Variants in MACROD2 observed in about 807,000 individuals in gnomAD.
The protein encoded by MACROD2 is mono-ADP ribosylhydrolase 2.
Under a neutral mutation model 70.4 loss-of-function variants are expected in MACROD2, and 36 were observed. The observed-to-expected ratio is 0.51, with a 90% CI of 0.39 to 0.68. The LOEUF is 0.68. MACROD2 is among the 30% of genes least tolerant of loss of function. The pLI, the probability that MACROD2 is intolerant of heterozygous loss-of-function variation, is 0.00. For synonymous variants in MACROD2, 172 were observed against 178.8 expected, an observed-to-expected ratio of 0.96 and a Z score of 0.30; for missense variants, 496 against 538.4, an observed-to-expected ratio of 0.92 and a Z score of 0.78.
chr20:15,558,414 T>C (rs2048197313), intron 8 of MACROD2, among the ~76,000 whole-genome samples: 1 of 152,226 alleles, frequency 6.6e-6, no homozygotes, highest in Non-Finnish European at 1.5e-5. Context: ...TAGCGGGTTT[T>C]GCTATTACTT....
chr20:15,469,634 A>C (rs4814381), intron 7 of MACROD2, among the ~76,000 whole-genome samples: 82,901 of 151,890 alleles, frequency 0.55, 23,836 homozygotes, highest in East Asian at 0.84. Flanking sequence ...GTCCACAAGA[A>C]AGGGGCCTTG....
At chr20:15,474,405 C>T (rs868222033) in intron 7 of MACROD2, among the ~76,000 whole-genome samples, 1 of 152,092 alleles carries the variant, frequency 6.6e-6, no homozygotes, top group Non-Finnish European at 1.5e-5. Flanking sequence ...GACATCTGAG[C>T]GGGGATAGTG....
chr20:15,714,681 T>C (rs568018415), intron 8 of MACROD2, among the ~76,000 whole-genome samples: 1 of 152,332 alleles, frequency 6.6e-6, no homozygotes, highest in South Asian at 2.1e-4. Context: ...GAAGCATCTT[T>C]GTACAAACTT....
At position 15,636,729 on chromosome 20, in the gene MACROD2, G is replaced by A. The variant is rs1199691126; in HGVS notation, c.645+136882G>A. ...CAACAAAGACTCAGTTACCTGGACT[G>A]AGAGCACTGCCCTTCCCAGCCTGCA... On this transcript the variant is annotated intron_variant, in intron 8 of 17. Coordinates refer to ENST00000684519, the MANE Select transcript of MACROD2 (RefSeq NM_001351661.2). Among the ~76,000 whole-genome samples the A allele has an allele frequency of 2.0e-5, 3 of 152,108 alleles. No homozygotes were observed. In the South Asian group the frequency reaches 6.2e-4, roughly 32 times the overall value.
intron 3 of MACROD2, among the ~76,000 whole-genome samples, chr20:14,453,773 A>G (rs1197633193): frequency 6.6e-6 from 1 of 152,058 alleles, no homozygotes; most frequent in Non-Finnish European, 1.5e-5. Flanking sequence ...TTTCCATTTA[A>G]TTACCTGTGT....
At chr20:15,722,785 T>A (rs2050805073) in intron 8 of MACROD2, among the ~76,000 whole-genome samples, 1 of 152,186 alleles carries the variant, frequency 6.6e-6, no homozygotes, top group African/African-American at 2.4e-5. Context: ...AATATTCTAT[T>A]TCAAGAGAAT....
intron 12 of MACROD2, among the ~76,000 whole-genome samples, chr20:15,962,298 A>G (rs2066074091): frequency 6.6e-5 from 10 of 152,230 alleles, no homozygotes; most frequent in Admixed American, 6.5e-4. Flanking sequence ...AGCAAATCAG[A>G]TTAGCTTTGT....
intron 5 of MACROD2, among the ~76,000 whole-genome samples, chr20:14,852,289 G>A (rs1402396336): frequency 1.3e-5 from 2 of 152,138 alleles, no homozygotes; most frequent in Admixed American, 6.5e-5. Context: ...CCGTTTCAGA[G>A]AGAAAGATAC....
chr20:15,669,909 C>G (rs758497969), intron 8 of MACROD2, among the ~76,000 whole-genome samples: 1 of 152,160 alleles, frequency 6.6e-6, no homozygotes, highest in East Asian at 1.9e-4. Flanking sequence ...TATTGAGCAC[C>G]TACTATGTGA....
At chr20:16,032,767 AAGGAAGAG>A in intron 15 of MACROD2, among the ~76,000 whole-genome samples, 1 of 109,466 alleles carries the variant, frequency 9.1e-6, no homozygotes, top group Non-Finnish European at 2.1e-5. Context: ...GGAAGAGAGG[AAGGAAGAG>A]AGGAAGGAAG....
At chr20:15,975,609 AAT>A (rs1324983771) in intron 13 of MACROD2, among the ~76,000 whole-genome samples, 1 of 152,190 alleles carries the variant, frequency 6.6e-6, no homozygotes, top group Non-Finnish European at 1.5e-5. Flanking sequence ...TCAAAGTGTA[AAT>A]ATGTTTTGAT....
rs73096231 is a variant in MACROD2, at chr20:15,498,408, G to A, written c.572-1366G>A. 1.4e-3 allele frequency among the ~76,000 whole-genome samples: 217 copies of A among 152,086 alleles called. 1 individual carries two copies. Among genetic ancestry groups the A allele is most frequent in the Non-Finnish European group, 1.4e-3 (94 of 68,020 alleles). ...TTCCGCAACGTCTCTCTCTTTCTGC[G>A]TCTGTATGGAAAATGTTCCAGGAGA... On this transcript the variant is annotated intron_variant, in intron 7 of 17. Transcript: ENST00000684519.
chr20:14,537,621 G>C (rs550678943), intron 4 of MACROD2, among the ~76,000 whole-genome samples: 1 of 152,162 alleles, frequency 6.6e-6, no homozygotes, highest in Non-Finnish European at 1.5e-5. Flanking sequence ...CTAAGAGGAC[G>C]TGAAGCAGGG....
chr20:14,489,860 CTTT>C (rs11356639), intron 3 of MACROD2, among the ~76,000 whole-genome samples: 4 of 143,384 alleles, frequency 2.8e-5, no homozygotes, highest in Non-Finnish European at 4.6e-5. Flanking sequence ...TGAAATACTT[CTTT>C]TTTTTTTTTT....
intron 2 of MACROD2, among the ~76,000 whole-genome samples, chr20:14,006,738 T>G (rs2148613433): frequency 6.6e-6 from 1 of 152,294 alleles, no homozygotes; most frequent in South Asian, 2.1e-4. Flanking sequence ...TCCTCCCTTA[T>G]AATTTATTTG....
chr20:14,836,091 A>G (rs1481440937), intron 5 of MACROD2, among the ~76,000 whole-genome samples: 3 of 152,110 alleles, frequency 2.0e-5, no homozygotes, highest in Non-Finnish European at 4.4e-5. Flanking sequence ...AAAAACAATC[A>G]AACAAACAAA....
Position 14,434,434 on chromosome 20 carries a change from T to C in MACROD2, c.272-59045T>C, listed in dbSNP as rs1366357436. ...ACTACCACCATCCCCTTTCCCAGTA[T>C]TAGGTGCTTCAGTTCTACACTCTCA... is the stretch of plus-strand genomic sequence containing the variant. On this transcript the variant is annotated intron_variant, in intron 3 of 17. Coordinates refer to ENST00000684519, the MANE Select transcript of MACROD2 (RefSeq NM_001351661.2). Among the ~76,000 whole-genome samples, 7 of 150,930 alleles carry C rather than the reference T, an allele frequency of 4.6e-5. No individual in the cohort carries two copies. The Admixed American group carries it at 4.7e-4, about 10-fold the overall frequency.
chr20:14,128,784 C>G (rs987008498), intron 3 of MACROD2, among the ~76,000 whole-genome samples: 4 of 152,106 alleles, frequency 2.6e-5, no homozygotes, highest in African/African-American at 9.7e-5. Flanking sequence ...TCCTAGGGCC[C>G]TTAATATTGA....
At chr20:15,903,633 C>A (rs912236143) in intron 10 of MACROD2, among the ~76,000 whole-genome samples, 3 of 152,196 alleles carry the variant, frequency 2.0e-5, no homozygotes, top group Non-Finnish European at 4.4e-5. Context: ...TGATGCCCTA[C>A]GATGGAGATT....
Sources: allele counts gnomAD v4.1 joint callset (sites outside exome capture counted in the v4.1 genomes callset), GRCh38; gene constraint gnomAD v4.1.1; transcripts MANE v1.5; gene names NCBI Gene and HGNC (gene_info 2026-07-23, HGNC 2026-07-21).